The following ARHGEF10 variants were observed in gnomAD, a reference collection of about 807,000 sequenced individuals.
The protein encoded by ARHGEF10 is Rho guanine nucleotide exchange factor (GEF) 10.
A neutral mutation model predicts 147.4 loss-of-function variants in ARHGEF10; 140 were observed. That is an observed-to-expected ratio of 0.95 (90% confidence interval 0.83 to 1.09). The LOEUF (loss-of-function observed/expected upper bound fraction) is 1.09, where lower values mean the gene tolerates loss of function less well. ARHGEF10 is among the 50% of genes least tolerant of loss of function. ARHGEF10 has a pLI of 0.00. For synonymous variants in ARHGEF10, 902 were observed against 695.8 expected (o/e 1.30, Z -4.67); for missense variants, 2,222 against 1,752.7 (o/e 1.27, Z -4.78).
intron 7 of ARHGEF10, among the ~76,000 whole-genome samples, chr8:1,871,809 T>G (rs533509081): frequency 1.3e-5 from 2 of 152,024 alleles, no homozygotes; most frequent in South Asian, 4.2e-4. Flanking sequence ...AGAGCGAGAC[T>G]CCCTCTGAAA....
chr8:1,857,601 G>T (rs1215084194), intron 2 of ARHGEF10, among the ~76,000 whole-genome samples: 2 of 151,756 alleles, frequency 1.3e-5, no homozygotes, highest in Non-Finnish European at 2.9e-5. Flanking sequence ...TTTATTTTTA[G>T]TAGAGATGGG....
intron 13 of ARHGEF10, among the ~76,000 whole-genome samples, chr8:1,895,281 A>G (rs372648016): frequency 2.3e-4 from 35 of 152,352 alleles, no homozygotes; most frequent in Middle Eastern, 6.8e-3. Context: ...ACCTAGATGT[A>G]GAGGATTATG....
chr8:1,907,407 C>T (rs570228288), intron 17 of ARHGEF10, among the ~76,000 whole-genome samples: 15 of 152,236 alleles, frequency 9.9e-5, no homozygotes, highest in Admixed American at 5.9e-4. Context: ...TTCCACCTGC[C>T]CTGGGAGACA....
At chr8:1,887,885 C>T (rs1029776611) in intron 11 of ARHGEF10, among the ~76,000 whole-genome samples, 3 of 141,112 alleles carry the variant, frequency 2.1e-5, no homozygotes, top group Non-Finnish European at 3.1e-5. Flanking sequence ...CACCAAGTGC[C>T]GTGAGAGTTG....
At chr8:1,830,534 C>G (rs1803032041) in intron 1 of ARHGEF10, among the ~76,000 whole-genome samples, 1 of 152,162 alleles carries the variant, frequency 6.6e-6, no homozygotes, top group Non-Finnish European at 1.5e-5. Context: ...CTACCTGTGG[C>G]CATATGACAA....
chr8:1,901,615 T>C (rs1006560142), intron 15 of ARHGEF10, among the ~76,000 whole-genome samples: 1 of 152,270 alleles, frequency 6.6e-6, no homozygotes, highest in Non-Finnish European at 1.5e-5. Flanking sequence ...CTGAGCCTCC[T>C]TGGGTGGCTG....
chr8:1,850,932 G>C (rs952350204), intron 2 of ARHGEF10, among the ~76,000 whole-genome samples: 1 of 151,998 alleles, frequency 6.6e-6, no homozygotes, highest in Non-Finnish European at 1.5e-5. Flanking sequence ...TACTGAGCGA[G>C]AGAAGCCAAC....
At chr8:1,893,696 TAC>T in intron 12 of ARHGEF10, 50 bp downstream of exon 12, 1 of 1,350,718 alleles carries the variant, frequency 7.4e-7, no homozygotes, top group Non-Finnish European at 1.1e-6. Context: ...TATTCTTTTT[TAC>T]CTATATACAT....
At chr8:1,833,473 G>GGC (rs1263536720) in intron 1 of ARHGEF10, among the ~76,000 whole-genome samples, 9 of 152,052 alleles carry the variant, frequency 5.9e-5, no homozygotes, top group East Asian at 1.9e-4. Flanking sequence ...CAGGGGCAGA[G>GGC]ACAGGGGCAG....
chr8:1,877,508 G>A (rs557576613), intron 8 of ARHGEF10, among the ~76,000 whole-genome samples: 5 of 152,196 alleles, frequency 3.3e-5, no homozygotes, highest in Non-Finnish European at 7.4e-5. Context: ...GATTGCAGGT[G>A]TGAACCACCA....
chr8:1,899,283 C>T lies in ARHGEF10; in HGVS notation c.1650+758C>T, dbSNP rs1025529522. 2.5e-4 allele frequency among the ~76,000 whole-genome samples: 38 copies of T among 152,220 alleles called. 1 individual carries two copies. The highest frequency in any genetic ancestry group is 2.2e-3 in the Admixed American group (34 of 15,284). ...AGCACCCATTTTATTTAAATGAATG[C>T]CATGCCTCCAGGGAGGATATTTCAA... On this transcript the variant is annotated intron_variant, in intron 15 of 28. Coordinates refer to ENST00000349830, the MANE Select transcript of ARHGEF10 (RefSeq NM_014629.4).
chr8:1,891,608 C>T (rs1365934701), intron 11 of ARHGEF10, among the ~76,000 whole-genome samples: 1 of 152,180 alleles, frequency 6.6e-6, no homozygotes, highest in Non-Finnish European at 1.5e-5. Flanking sequence ...GATTGTCCTC[C>T]AGCCCTGGCT....
intron 18 of ARHGEF10, among the ~76,000 whole-genome samples, chr8:1,918,219 C>T (rs10111715): frequency 0.067 from 10,226 of 152,262 alleles, 492 homozygotes; most frequent in Middle Eastern, 0.13. Context: ...TGAGTGCAGA[C>T]GCTTTCTTTG....
intron 15 of ARHGEF10, among the ~76,000 whole-genome samples, chr8:1,901,707 C>T (rs1016803052): frequency 6.6e-6 from 1 of 152,224 alleles, no homozygotes; most frequent in Non-Finnish European, 1.5e-5. Flanking sequence ...CTGTCTCCAT[C>T]GCACGCCTAG....
chr8:1,842,162 T>A (rs1804145298), intron 1 of ARHGEF10, among the ~76,000 whole-genome samples: 1 of 149,690 alleles, frequency 6.7e-6, no homozygotes, highest in Non-Finnish European at 1.5e-5. Context: ...TGAGCAAGTC[T>A]GGGGGATGGA....
At chr8:1,925,654 A>G (rs779163347) in intron 22 of ARHGEF10, among the ~76,000 whole-genome samples, 2 of 152,232 alleles carry the variant, frequency 1.3e-5, no homozygotes, top group Non-Finnish European at 2.9e-5. Flanking sequence ...GCAGTGCCAC[A>G]GCACCTGAGG....
At chr8:1,918,460 CTGTGTGTGTGTG>C (rs60519090) in intron 18 of ARHGEF10, among the ~76,000 whole-genome samples, 140 of 140,940 alleles carry the variant, frequency 9.9e-4, no homozygotes, top group African/African-American at 2.2e-3. Context: ...CATTTGATGG[CTGTGTGTGTGTG>C]TGTGTGTGTG....
intron 11 of ARHGEF10, among the ~76,000 whole-genome samples, chr8:1,890,911 A>C (rs1265159504): frequency 6.6e-6 from 1 of 152,182 alleles, no homozygotes; most frequent in Non-Finnish European, 1.5e-5. Flanking sequence ...TGGTTTCTGT[A>C]AAGGGTTTAA....
At position 1,896,398 on chromosome 8, in the gene ARHGEF10, A is replaced by C. The variant is rs1384260063; in HGVS notation, c.1506A>C (p.Ala502=). The C allele has an allele frequency of 6.2e-7, 1 of 1,614,096 alleles. No homozygotes were observed. Among genetic ancestry groups the C allele is most frequent in the East Asian group, 2.2e-5 (1 of 44,874 alleles). ...EYVNNFSTAV[A]VLKKTCATKP... is the part of the protein sequence containing the mutation. ...TGAACAATTTCAGCACAGCCGTGGC[A>C]GTCCTCAAGAAAACATGTGCCACAA... The change falls in exon 14 of 29, where the codon GCA becomes GCC. Residue 502 remains alanine (A), a synonymous_variant. Transcript: ENST00000349830.
Sources: allele counts gnomAD v4.1 joint callset (sites outside exome capture counted in the v4.1 genomes callset), GRCh38; gene constraint gnomAD v4.1.1; transcripts MANE v1.5; gene names NCBI Gene and HGNC (gene_info 2026-07-23, HGNC 2026-07-21).